The following CEP152 variants were observed in gnomAD, a reference collection of about 807,000 sequenced individuals.
CEP152 encodes centrosomal protein 152.
CEP152 carries 132 observed loss-of-function variants against 188.9 expected under a neutral mutation model. That is an observed-to-expected ratio of 0.70 (90% CI 0.61 to 0.81). CEP152 has a LOEUF of 0.81. Ranked by LOEUF, CEP152 falls within the 30% of genes least tolerant of loss-of-function variation. The pLI is 0.00. For missense variants in CEP152, 1,914 were observed against 1,969.8 expected (o/e 0.97, Z 0.54); for synonymous variants, 649 against 666.6 (o/e 0.97, Z 0.41).
At chr15:48,741,043 G>A (rs1039931439) in intron 26 of CEP152, 2 of 989,726 alleles carry the variant, frequency 2.0e-6, no homozygotes, top group Non-Finnish European at 2.4e-6. Flanking sequence ...TCTCCCGGTG[G>A]TTTTGAACTG....
intron 8 of CEP152, chr15:48,789,222 T>C (rs1777248933): frequency 3.5e-6 from 2 of 578,134 alleles, no homozygotes; most frequent in Non-Finnish European, 3.1e-6. Flanking sequence ...CCTGAGAAAA[T>C]ACATTTGGTA....
In CEP152 at chr15:48,775,133, G is replaced by A. The variant is rs563448621; in HGVS notation, c.1578-2442C>T. ...GAAAAACTATAGAAAAAAATGAACA[G>A]AGCCTCAAGAAACTGTAGTATAATA... On this transcript the variant is annotated intron_variant, in intron 12 of 26. Transcript: ENST00000380950. Among the ~76,000 whole-genome samples, 6 of 151,868 alleles carry A rather than the reference G, an allele frequency of 4.0e-5. No homozygotes were observed. The South Asian group carries it at 1.2e-3, about 32-fold the overall frequency.
chr15:48,752,150 G>A (rs1032855241), intron 21 of CEP152, among the ~76,000 whole-genome samples, 199 bp downstream of exon 21: 8 of 152,048 alleles, frequency 5.3e-5, no homozygotes, highest in African/African-American at 1.9e-4. Flanking sequence ...GTGAATGAAG[G>A]GAAAACCATA....
intron 21 of CEP152, among the ~76,000 whole-genome samples, chr15:48,752,056 G>A (rs1204323028): frequency 6.6e-6 from 1 of 152,162 alleles, no homozygotes; most frequent in Non-Finnish European, 1.5e-5. Context: ...GCAATTCTCT[G>A]ATGTGAAACC....
Position 48,762,524 on chromosome 15 carries a change from G to A in CEP152, c.2429C>T (p.Ala810Val). 6.2e-7 allele frequency: 1 copy of A among 1,613,884 alleles called. No individual in the cohort carries two copies. ...GCACTTCTGCTCTTCTATCATAATT[G>A]CCATCTCTTTCTTGGAAATAACATC... Reference protein sequence around the residue: ...TSDVISKKEMAIMIEEQKCTI... With the variant: ...TSDVISKKEMVIMIEEQKCTI... The change falls in exon 18 of 27, where the codon GCA (alanine) becomes GTA (valine). Residue 810 changes from alanine (A) to valine (V), a missense_variant. Ala to Val is a moderately conservative substitution (Grantham distance 64). Coordinates refer to ENST00000380950, the MANE Select transcript of CEP152 (RefSeq NM_001194998.2).
rs114521402 is a variant in CEP152 at position 48,757,603 on chromosome 15, C to T, written c.2695-1050G>A. Reference sequence around the variant, plus strand: ...ACTGAATTCAAAGAAGGCACAAGGACGCACTAGTGTCAAAAGACAGAACTG... The same window carrying T: ...ACTGAATTCAAAGAAGGCACAAGGATGCACTAGTGTCAAAAGACAGAACTG... On this transcript the variant is annotated intron_variant, in intron 19 of 26. Coordinates refer to ENST00000380950, the MANE Select transcript of CEP152 (RefSeq NM_001194998.2). Among the ~76,000 whole-genome samples, 682 of 152,204 alleles carry T rather than the reference C, an allele frequency of 4.5e-3. 6 individuals are homozygous for T. The highest frequency in any genetic ancestry group is 0.016 in the African/African-American group (648 of 41,526).
At chr15:48,753,328 A>G (rs2140649323) in intron 20 of CEP152, among the ~76,000 whole-genome samples, 1 of 152,316 alleles carries the variant, frequency 6.6e-6, no homozygotes, top group East Asian at 1.9e-4. Context: ...GCTCAGCCAA[A>G]TCAATGGATT....
intron 5 of CEP152, 101 bp from the exon 6 acceptor site, chr15:48,796,261 T>TG: frequency 7.5e-7 from 1 of 1,334,030 alleles, no homozygotes; most frequent in Non-Finnish European, 1.1e-6. Context: ...AACTTACTTT[T>TG]GGTACAGTTC....
At chr15:48,810,463 G>T (rs1898257698) in intron 1 of CEP152, 1 of 152,280 alleles carries the variant, frequency 6.6e-6, no homozygotes, top group Non-Finnish European at 1.5e-5. Context: ...GTTGCCCAGA[G>T]GGCGGAGCGA....
intron 12 of CEP152, among the ~76,000 whole-genome samples, chr15:48,776,830 T>C (rs1204813714): frequency 2.0e-5 from 3 of 152,112 alleles, no homozygotes; most frequent in Middle Eastern, 3.2e-3. Flanking sequence ...GGTGAGATTA[T>C]TGGTGACTTC....
At chr15:48,765,630 T>C (rs958323136) in intron 17 of CEP152, 2 of 412,112 alleles carry the variant, frequency 4.9e-6, no homozygotes, top group Admixed American at 3.2e-5. Flanking sequence ...TCTTATGTTC[T>C]TGCCAATTTT....
At chr15:48,801,471 ATCTACCTT>A (rs1897665201) in intron 2 of CEP152, among the ~76,000 whole-genome samples, 1 of 152,166 alleles carries the variant, frequency 6.6e-6, no homozygotes, top group South Asian at 2.1e-4. Context: ...TACCTAAACC[ATCTACCTT>A]TCTACTCAAG....
rs757723861 is a variant in CEP152, at chr15:48,741,710, G to A, written c.3990-6C>T. On this transcript the variant is annotated splice_region_variant and splice_polypyrimidine_tract_variant and intron_variant, in intron 25 of 26. Coordinates refer to ENST00000380950, the MANE Select transcript of CEP152 (RefSeq NM_001194998.2). Reference sequence around the variant, plus strand: ...TCATAATCTTTTTCTCAGCCCTGTGGGGAATTCCAGAATATTAAAAATATA... The same window carrying A: ...TCATAATCTTTTTCTCAGCCCTGTGAGGAATTCCAGAATATTAAAAATATA... 6.2e-6 allele frequency: 10 copies of A among 1,613,778 alleles called. No individual in the cohort carries two copies. The East Asian group carries it at 1.8e-4, about 29-fold the overall frequency.
At chr15:48,741,877 G>T (rs1892998248) in intron 25 of CEP152, 70 bp downstream of exon 25, 2 of 1,613,556 alleles carry the variant, frequency 1.2e-6, no homozygotes, top group African/African-American at 2.7e-5. Context: ...TAGTGGTTAA[G>T]GAAAATGCTT....
intron 9 of CEP152, among the ~76,000 whole-genome samples, chr15:48,788,500 A>ATT (rs879363516): frequency 2.1e-5 from 3 of 140,302 alleles, no homozygotes; most frequent in Non-Finnish European, 3.1e-5. Context: ...CGCCCGGCTA[A>ATT]TTTTTTTTTT....
At chr15:48,741,484 C>T (rs1892967939) in intron 26 of CEP152, 117 bp downstream of exon 26, 6 of 1,583,330 alleles carry the variant, frequency 3.8e-6, no homozygotes, top group African/African-American at 1.4e-5. Flanking sequence ...GTAAAACATA[C>T]AAAACTTCAC....
At chr15:48,731,836 A>G (rs1306369616) in intron 2 of CEP152, among the ~76,000 whole-genome samples, 1 of 152,084 alleles carries the variant, frequency 6.6e-6, no homozygotes, top group African/African-American at 2.4e-5. Flanking sequence ...AACAACCCCA[A>G]CAAGAAACAA....
intron 2 of CEP152, among the ~76,000 whole-genome samples, chr15:48,732,016 T>C (rs1892438391): frequency 6.6e-6 from 1 of 152,180 alleles, no homozygotes; most frequent in Non-Finnish European, 1.5e-5. Context: ...ACGTGATTAT[T>C]AAAAAGTCAG....
Position 48,791,331 on chromosome 15 carries a change from A to G in CEP152, c.878T>C (p.Leu293Pro). 1 of 1,612,840 alleles carries G rather than the reference A, an allele frequency of 6.2e-7. No individual in the cohort carries two copies. The highest frequency in any genetic ancestry group is 8.5e-7 in the Non-Finnish European group (1 of 1,179,690). ...CTCTCTTTCTTTTCCATTCTGAAAG[A>G]GTTTCTGTGATTCTCGAAGGCTGAG... ...LTLSLRESQKLFQNGKEREIQ... is the reference protein window; with the variant it reads ...LTLSLRESQKPFQNGKEREIQ... Residue 293 changes from leucine (L) to proline (P), a missense_variant, in exon 8 of 27, where the codon CTC (leucine) becomes CCC (proline). Coordinates refer to ENST00000380950, the MANE Select transcript of CEP152 (RefSeq NM_001194998.2).
Sources: gnomAD v4.1 joint callset for allele counts (sites outside exome capture counted in the v4.1 genomes callset) on GRCh38, gnomAD v4.1.1 for gene constraint, MANE v1.5 for transcripts, NCBI Gene and HGNC (gene_info 2026-07-23, HGNC 2026-07-21) for gene names.